The following MYCBP2 variants were observed in gnomAD, a reference collection of about 807,000 sequenced individuals.
MYCBP2 encodes the protein E3 ubiquitin-protein ligase MYCBP2.
A neutral mutation model predicts 525.3 loss-of-function variants in MYCBP2; 120 were observed. The observed-to-expected ratio is 0.23, with a 90% CI of 0.20 to 0.27. The LOEUF (loss-of-function observed/expected upper bound fraction) is 0.27. MYCBP2 is among the 10% of genes least tolerant of loss of function. The pLI is 1.00. For synonymous variants in MYCBP2, 1,894 were observed against 1,955.8 expected (o/e 0.97, Z 0.83); for missense variants, 4,149 against 5,657.1 (o/e 0.73, Z 8.55).
chr13:77,314,039 T>C (rs2080609763), intron 1 of MYCBP2, among the ~76,000 whole-genome samples: 1 of 152,218 alleles, frequency 6.6e-6, no homozygotes, highest in Middle Eastern at 3.4e-3. Flanking sequence ...AGAGGAACTC[T>C]CATTTATTGC....
chr13:77,185,420 A>G (rs2060629660), intron 31 of MYCBP2, 43 bp from the exon 32 acceptor site: 1 of 1,562,128 alleles, frequency 6.4e-7, no homozygotes, highest in South Asian at 1.2e-5. Flanking sequence ...GCAAAATATT[A>G]AATATGCATG....
chr13:77,325,166 C>T (rs1219292359), intron 1 of MYCBP2, among the ~76,000 whole-genome samples: 1 of 152,226 alleles, frequency 6.6e-6, no homozygotes, highest in African/African-American at 2.4e-5. Context: ...CAACTGTCTC[C>T]AACAGATAAG....
In MYCBP2 at chr13:77,061,416, G is replaced by T. The variant is rs926986123; in HGVS notation, c.12904-115C>A. On this transcript the variant is annotated intron_variant, in intron 75 of 82. Transcript: ENST00000544440. Reference sequence around the variant, plus strand: ...GGCTTTCATTTAAGCACTCTAAGAAGTTTTGAATATTTCCAATCTTCTCTT... The same window carrying T: ...GGCTTTCATTTAAGCACTCTAAGAATTTTTGAATATTTCCAATCTTCTCTT... 1.0e-5 allele frequency: 10 copies of T among 979,858 alleles called. No individual in the cohort carries two copies. In the Admixed American group the frequency reaches 1.3e-4, roughly 13 times the overall value. 60.7% of individuals were successfully genotyped at this position (979,858 alleles called of 1,614,324 possible).
In MYCBP2 at chr13:77,269,901, T is replaced by C. The variant is rs552198971; in HGVS notation, c.1260+91A>G. On this transcript the variant is annotated intron_variant, in intron 7 of 82. Transcript: ENST00000544440. Reference sequence around the variant, plus strand: ...AGTAAAAATATATTATCATTTCTGTTTAAATAGAAGTGATATTACTGATTA... The same window carrying C: ...AGTAAAAATATATTATCATTTCTGTCTAAATAGAAGTGATATTACTGATTA... The C allele has an allele frequency of 2.2e-3, 2,113 of 959,586 alleles. 8 individuals are homozygous for C. The highest frequency in any genetic ancestry group is 2.8e-3 in the Admixed American group (128 of 46,246). 59.4% of individuals were successfully genotyped at this position (959,586 alleles called of 1,614,324 possible). A position where few individuals can be genotyped will look rare whatever the true frequency, so the allele number is the denominator to read the frequency against.
In MYCBP2 at chr13:77,051,923, G is replaced by A; in HGVS notation, c.13648-5C>T. On this transcript the variant is annotated splice_polypyrimidine_tract_variant and splice_region_variant and intron_variant, in intron 80 of 82. Coordinates refer to ENST00000544440, the MANE Select transcript of MYCBP2 (RefSeq NM_015057.5). ...AGCTTCACCACCAAAATATGCCTGTGGAGAAAACACATCTAGATTACAGCA... is the reference window on the plus strand; with the variant it reads ...AGCTTCACCACCAAAATATGCCTGTAGAGAAAACACATCTAGATTACAGCA... 1 of 1,611,474 alleles carries A rather than the reference G, an allele frequency of 6.2e-7. No individual in the cohort carries two copies. Among genetic ancestry groups the A allele is most frequent in the Non-Finnish European group, 8.5e-7 (1 of 1,177,774 alleles).
At chr13:77,088,429 C>A (rs985949985) in intron 61 of MYCBP2, among the ~76,000 whole-genome samples, 1 of 151,916 alleles carries the variant, frequency 6.6e-6, no homozygotes. Context: ...ATACAGTAAT[C>A]CTATTATTTC....
intron 14 of MYCBP2, among the ~76,000 whole-genome samples, chr13:77,254,491 C>A (rs895802922): frequency 6.6e-6 from 1 of 151,572 alleles, no homozygotes; most frequent in Non-Finnish European, 1.5e-5. Flanking sequence ...CCTTTACGTT[C>A]GTTTTAAATT....
At chr13:77,162,725 C>T (rs1216010368) in intron 43 of MYCBP2, among the ~76,000 whole-genome samples, 5 of 152,082 alleles carry the variant, frequency 3.3e-5, no homozygotes, top group Non-Finnish European at 4.4e-5. Flanking sequence ...GGTGCGATCT[C>T]GGCTCACTGC....
rs1387684659 is a variant in MYCBP2 at position 77,296,744 on chromosome 13, T to C, written c.303-70A>G. The C allele has an allele frequency of 3.4e-6, 4 of 1,159,692 alleles. No individual in the cohort carries two copies. The South Asian group carries it at 4.9e-5, about 14-fold the overall frequency. The allele number at this position is 1,159,692 out of a possible 1,614,324, so 71.8% of individuals were successfully genotyped here. A position where few individuals can be genotyped will look rare whatever the true frequency, so the allele number is the denominator to read the frequency against. ...TTAGGACATACAAAGCTATCAAAAATGGGTATTTCCAAAGTAGACATTTGG... is the reference window on the plus strand; with the variant it reads ...TTAGGACATACAAAGCTATCAAAAACGGGTATTTCCAAAGTAGACATTTGG... On this transcript the variant is annotated intron_variant, in intron 1 of 82. Coordinates refer to ENST00000544440, the MANE Select transcript of MYCBP2 (RefSeq NM_015057.5).
chr13:77,298,340 T>C (rs1014222143), intron 1 of MYCBP2, among the ~76,000 whole-genome samples: 2 of 152,220 alleles, frequency 1.3e-5, no homozygotes, highest in Non-Finnish European at 2.9e-5. Context: ...TTCCCTAATA[T>C]ACACTCTCAT....
At position 77,098,036 on chromosome 13, in the gene MYCBP2, A is replaced by G; in HGVS notation, c.9118T>C (p.Trp3040Arg). 6.2e-7 allele frequency: 1 copy of G among 1,613,694 alleles called. No individual in the cohort carries two copies. The highest frequency in any genetic ancestry group is 8.5e-7 in the Non-Finnish European group (1 of 1,179,814). ...CARAVFASFL[W>R]HEGIVHDAMA... ...GCATCATGTACTATGCCTTCATGCCAGAGGAAGGAAGCAAACACAGCTCTG... is the reference window on the plus strand; with the variant it reads ...GCATCATGTACTATGCCTTCATGCCGGAGGAAGGAAGCAAACACAGCTCTG... The change falls in exon 56 of 83, where the codon TGG (tryptophan) becomes CGG (arginine). Residue 3040 changes from tryptophan to arginine, a missense_variant. Trp to Arg is a moderately radical substitution (Grantham distance 101, BLOSUM62 -3). Coordinates refer to ENST00000544440, the MANE Select transcript of MYCBP2 (RefSeq NM_015057.5).
At chr13:77,173,703 G>A (rs73241425) in intron 37 of MYCBP2, among the ~76,000 whole-genome samples, 269 of 152,286 alleles carry the variant, frequency 1.8e-3, no homozygotes, top group Middle Eastern at 3.4e-3. Flanking sequence ...TACCTAAGAC[G>A]CCAGCTTTGC....
intron 7 of MYCBP2, 117 bp from the exon 8 acceptor site, chr13:77,268,054 T>C (rs2074348830): frequency 1.6e-6 from 1 of 609,862 alleles, no homozygotes; most frequent in East Asian, 2.8e-5. Flanking sequence ...AATATTGATG[T>C]CTAAAAGATA....
At chr13:77,203,652 A>G (rs1374646324) in intron 26 of MYCBP2, among the ~76,000 whole-genome samples, 1 of 152,238 alleles carries the variant, frequency 6.6e-6, no homozygotes, top group East Asian at 1.9e-4. Flanking sequence ...ACTATACTAC[A>G]AGGCTACAGT....
intron 3 of MYCBP2, among the ~76,000 whole-genome samples, chr13:77,279,339 C>T (rs1255132989): frequency 1.3e-5 from 2 of 152,142 alleles, no homozygotes; most frequent in Non-Finnish European, 2.9e-5. Context: ...CAATTTAAAA[C>T]TGCTTAGCTA....
chr13:77,232,084 T>G (rs1033628180), intron 18 of MYCBP2, among the ~76,000 whole-genome samples: 6 of 152,182 alleles, frequency 3.9e-5, no homozygotes, highest in Non-Finnish European at 7.3e-5. Flanking sequence ...TAAAGATGAG[T>G]TTTGTCTATT....
rs1354435397 is a variant in MYCBP2, at chr13:77,103,534, T to C, written c.8141-4521A>G. ...GATTAATATGTGTTAAGGTCCAAAT[T>C]TGTTAACTTAAAACTTAGTAAGGCT... On this transcript the variant is annotated intron_variant, in intron 55 of 82. Transcript: ENST00000544440. Among the ~76,000 whole-genome samples the C allele has an allele frequency of 2.6e-5, 4 of 152,104 alleles. No individual in the cohort carries two copies. The East Asian group carries it at 5.8e-4, about 22-fold the overall frequency.
chr13:77,187,428 G>C (rs1179915090), intron 30 of MYCBP2, among the ~76,000 whole-genome samples: 3 of 151,898 alleles, frequency 2.0e-5, no homozygotes, highest in East Asian at 1.9e-4. Flanking sequence ...ACTTTAAATG[G>C]GCATATTTCC....
chr13:77,140,312 A>G (rs888803921), intron 50 of MYCBP2, 149 bp from the exon 51 acceptor site: 1 of 533,332 alleles, frequency 1.9e-6, no homozygotes, highest in African/African-American at 1.9e-5. Flanking sequence ...CTCTGCAAAT[A>G]ACAGTATAAC....
Sources: allele counts gnomAD v4.1 joint callset (sites outside exome capture counted in the v4.1 genomes callset), GRCh38; gene constraint gnomAD v4.1.1; transcripts MANE v1.5; gene names NCBI Gene and HGNC (gene_info 2026-07-23, HGNC 2026-07-21).